ANKMY1: variants seen among roughly 807,000 people sequenced by gnomAD.
ANKMY1 encodes ankyrin repeat and MYND domain-containing protein 1.
ANKMY1 carries 98 observed loss-of-function variants against 102.0 expected under a neutral mutation model. The observed-to-expected ratio is 0.96, with a 90% CI of 0.82 to 1.14. The LOEUF (loss-of-function observed/expected upper bound fraction) is 1.14. Ranked by LOEUF, ANKMY1 falls within the 50% of genes most tolerant of loss-of-function variation. The probability of loss-of-function intolerance (pLI) is 0.00; values close to 1 mark genes in which losing one functional copy is unlikely to be tolerated. For missense variants in ANKMY1, 1,330 were observed against 1,347.6 expected, an observed-to-expected ratio of 0.99 and a Z score of 0.20; for synonymous variants, 582 against 559.9, an observed-to-expected ratio of 1.04 and a Z score of -0.56.
chr2:240,482,155 A>C, intron 16 of ANKMY1, 28 bp downstream of exon 16: 11 of 1,609,622 alleles, frequency 6.8e-6, no homozygotes, highest in Non-Finnish European at 6.8e-6. Flanking sequence ...GCCATCCTGG[A>C]AAGAACCCAG....
chr2:240,482,407 T>A, intron 15 of ANKMY1, 146 bp from the exon 16 acceptor site: 1 of 680,512 alleles, frequency 1.5e-6, no homozygotes, highest in Non-Finnish European at 2.4e-6. Flanking sequence ...GATGGCTCCA[T>A]AGTGGGTGCG....
chr2:240,550,013 C>T (rs376953410), intron 4 of ANKMY1, among the ~76,000 whole-genome samples: 14,736 of 150,024 alleles, frequency 0.098, 804 homozygotes, highest in Middle Eastern at 0.23. Context: ...ATCCCATTAC[C>T]GGGTATATAC....
At chr2:240,516,099 T>C (rs560296560) in intron 9 of ANKMY1, among the ~76,000 whole-genome samples, 2 of 151,880 alleles carry the variant, frequency 1.3e-5, no homozygotes, top group East Asian at 3.9e-4. Flanking sequence ...TTATTAGGTC[T>C]TACTGTTTGG....
intron 15 of ANKMY1, among the ~76,000 whole-genome samples, chr2:240,484,701 A>G (rs2075838978): frequency 1.3e-5 from 2 of 152,220 alleles, no homozygotes. Flanking sequence ...AAACTGACAA[A>G]TGGGATCTAA....
At chr2:240,517,706 T>C (rs2081428429) in intron 9 of ANKMY1, among the ~76,000 whole-genome samples, 1 of 152,108 alleles carries the variant, frequency 6.6e-6, no homozygotes, top group Non-Finnish European at 1.5e-5. Flanking sequence ...CTCTGGAGGC[T>C]GAAGTAGGAG....
Position 240,479,642 on chromosome 2 carries a change from C to G in ANKMY1, c.3060G>C (p.Glu1020Asp), listed in dbSNP as rs760223878. ...GDLVAIVTQL[E>D]QVSRRREEFQ ...ATTCTTCTCTCCTCCTGGAAACTTG[C>G]TCCAGTTGTGTCACTGGAGGAGGAA... Residue 1020 changes from glutamate (E) to aspartate (D), a missense_variant, in exon 18 of 18, where the codon GAG becomes GAC. Physicochemically the swap from Glu to Asp is conservative, Grantham distance 45. Transcript: ENST00000401804. 1 of 1,613,708 alleles carries G rather than the reference C, an allele frequency of 6.2e-7. No homozygotes were observed. The highest frequency in any genetic ancestry group is 8.5e-7 in the Non-Finnish European group (1 of 1,180,034).
At chr2:240,483,301 C>T (rs1046741515) in intron 15 of ANKMY1, among the ~76,000 whole-genome samples, 3 of 152,252 alleles carry the variant, frequency 2.0e-5, no homozygotes, top group Admixed American at 1.3e-4. Context: ...GGATTACAGG[C>T]TTGCACCACC....
intron 4 of ANKMY1, among the ~76,000 whole-genome samples, chr2:240,551,982 T>G (rs908498852): frequency 6.6e-6 from 1 of 152,224 alleles, no homozygotes; most frequent in African/African-American, 2.4e-5. Context: ...GAACTGAAAC[T>G]CACCAGACCA....
At chr2:240,485,024 G>A (rs891405710) in intron 15 of ANKMY1, among the ~76,000 whole-genome samples, 1 of 152,134 alleles carries the variant, frequency 6.6e-6, no homozygotes, top group African/African-American at 2.4e-5. Context: ...AGTTAGAATG[G>A]TGATCATTAA....
intron 4 of ANKMY1, among the ~76,000 whole-genome samples, chr2:240,530,278 A>G (rs1308742378): frequency 6.6e-6 from 1 of 152,098 alleles, no homozygotes; most frequent in Non-Finnish European, 1.5e-5. Flanking sequence ...CCCCACCCAA[A>G]TCCCAACCCA....
At chr2:240,552,857 T>G in intron 4 of ANKMY1, 57 bp downstream of exon 4, 1 of 1,611,464 alleles carries the variant, frequency 6.2e-7, no homozygotes. Flanking sequence ...TTTTGTCCAG[T>G]GGCTTAGACA....
At chr2:240,489,062 GC>G (rs1381785099) in intron 15 of ANKMY1, among the ~76,000 whole-genome samples, 1 of 152,136 alleles carries the variant, frequency 6.6e-6, no homozygotes, top group African/African-American at 2.4e-5. Flanking sequence ...TAGAGGAAAG[GC>G]TTTTAATTTT....
Position 240,557,179 on chromosome 2 carries a change from G to A in ANKMY1, c.146+11C>T. ...CAGGGTCGGACCTCCCCGCTGGAGG[G>A]TCCCCCGCACCTTGTGGCGAAGACA... On this transcript the variant is annotated intron_variant, in intron 2 of 17. Transcript: ENST00000401804. The A allele has an allele frequency of 6.7e-7, 1 of 1,481,632 alleles. No homozygotes were observed. 91.8% of individuals were successfully genotyped at this position (1,481,632 alleles called of 1,614,324 possible).
intron 4 of ANKMY1, among the ~76,000 whole-genome samples, chr2:240,530,021 G>A (rs1358613869): frequency 2.6e-5 from 4 of 152,134 alleles, no homozygotes; most frequent in Non-Finnish European, 5.9e-5. Flanking sequence ...GGGAGGAGGG[G>A]AGGAGCAAAG....
At chr2:240,505,375 T>C (rs1396084046) in intron 13 of ANKMY1, among the ~76,000 whole-genome samples, 1 of 151,428 alleles carries the variant, frequency 6.6e-6, no homozygotes, top group Admixed American at 6.6e-5. Flanking sequence ...GGCAGGAGGA[T>C]TGCTTGAACC....
chr2:240,560,805 G>A (rs1449602712), upstream of ANKMY1: 10 of 1,442,572 alleles, frequency 6.9e-6, no homozygotes, highest in Admixed American at 2.9e-5. Flanking sequence ...GGAGCAGCTG[G>A]CGCGCGCGGG....
At chr2:240,526,617 T>A in intron 5 of ANKMY1, 172 bp from the exon 6 acceptor site, 1 of 1,454,076 alleles carries the variant, frequency 6.9e-7, no homozygotes, top group Admixed American at 2.5e-5. Context: ...CTGCTCACAA[T>A]CCACTAGGTT....
chr2:240,539,080 A>G (rs1294736792), intron 4 of ANKMY1, among the ~76,000 whole-genome samples: 1 of 152,170 alleles, frequency 6.6e-6, no homozygotes, highest in Non-Finnish European at 1.5e-5. Context: ...AAGGGAATAA[A>G]CGCAGGCTGC....
At chr2:240,526,585 G>C (rs1051428192) in intron 5 of ANKMY1, 140 bp from the exon 6 acceptor site, 9 of 1,473,978 alleles carry the variant, frequency 6.1e-6, no homozygotes, top group Non-Finnish European at 7.2e-6. Flanking sequence ...GGTACCCTGA[G>C]TGCTGGCAGC....
Sources: gnomAD v4.1 joint callset for allele counts (sites outside exome capture counted in the v4.1 genomes callset) on GRCh38, gnomAD v4.1.1 for gene constraint, MANE v1.5 for transcripts, NCBI Gene and HGNC (gene_info 2026-07-23, HGNC 2026-07-21) for gene names.